Variants in CNOT6L observed in about 807,000 individuals in gnomAD.
CNOT6L encodes the protein CCR4-NOT transcription complex subunit 6-like.
CNOT6L carries 7 observed loss-of-function variants against 64.0 expected under a neutral mutation model. The observed-to-expected ratio is 0.11, with a 90% CI of 0.06 to 0.21. The LOEUF (loss-of-function observed/expected upper bound fraction) is 0.21, where lower values mean the gene tolerates loss of function less well. Ranked by LOEUF, CNOT6L falls within the 10% of genes least tolerant of loss-of-function variation. The pLI is 1.00. For missense variants in CNOT6L, 245 were observed against 669.0 expected (o/e 0.37, Z 6.99); for synonymous variants, 193 against 243.4 (o/e 0.79, Z 1.93).
At chr4:77,737,710 G>A (rs1044191758) in intron 8 of CNOT6L, among the ~76,000 whole-genome samples, 3 of 151,940 alleles carry the variant, frequency 2.0e-5, no homozygotes, top group African/African-American at 7.3e-5. Flanking sequence ...GAAACACCAC[G>A]CCCAGACTGT....
Position 77,779,061 on chromosome 4 carries a change from AACAAAAAAAAAAC to A in CNOT6L, c.6-2682_6-2670del, listed in dbSNP as rs1478478267. 3.2e-3 allele frequency among the ~76,000 whole-genome samples: 290 copies of A among 89,266 alleles called. 9 individuals carry two copies. The highest frequency in any genetic ancestry group is 6.0e-3 in the Non-Finnish European group (246 of 40,914). 58.6% of individuals were successfully genotyped at this position (89,266 alleles called of 152,430 possible). A position where few individuals can be genotyped will look rare whatever the true frequency, so the allele number is the denominator to read the frequency against. On this transcript the variant is annotated intron_variant, in intron 1 of 11. Coordinates refer to ENST00000504123, the MANE Select transcript of CNOT6L (RefSeq NM_144571.3). ...GACTCTGTCTCAAAAAAAAAAAAAA[AACAAAAAAAAAAC>A]ACAAAAAACACACAGGCATAGGATT...
rs67321338 is a variant in CNOT6L at position 77,801,690 on chromosome 4, TGG to T, written c.5+17612_5+17613del. 7.7e-5 allele frequency among the ~76,000 whole-genome samples: 4 copies of T among 52,070 alleles called. 1 individual carries two copies. Among genetic ancestry groups the T allele is most frequent in the Non-Finnish European group, 1.4e-4 (4 of 29,202 alleles). 34.2% of individuals were successfully genotyped at this position (52,070 alleles called of 152,430 possible). ...AGTTATTTTACCAGAAGATAAAAAT[TGG>T]GGGGGGGGGAGAATGAAACATTTTA... On this transcript the variant is annotated intron_variant, in intron 1 of 11. Coordinates refer to ENST00000504123, the MANE Select transcript of CNOT6L (RefSeq NM_144571.3).
chr4:77,769,767 A>T (rs1041010089), intron 4 of CNOT6L, among the ~76,000 whole-genome samples: 1 of 152,182 alleles, frequency 6.6e-6, no homozygotes, highest in African/African-American at 2.4e-5. Context: ...AAAGTAAAAG[A>T]AAGTCTTCCA....
intron 11 of CNOT6L, among the ~76,000 whole-genome samples, chr4:77,723,955 G>C (rs1390576424): frequency 6.6e-6 from 1 of 152,086 alleles, no homozygotes; most frequent in South Asian, 2.1e-4. Flanking sequence ...GGACAAGGAA[G>C]AAGTAAGCTT....
intron 8 of CNOT6L, among the ~76,000 whole-genome samples, chr4:77,734,441 T>C (rs1722746643): frequency 6.6e-6 from 1 of 152,196 alleles, no homozygotes; most frequent in Admixed American, 6.5e-5. Context: ...AAATCAATTT[T>C]GATGACTGGA....
chr4:77,819,568 G>A (rs1734064554), upstream of CNOT6L: 1 of 328,686 alleles, frequency 3.0e-6, no homozygotes, highest in Non-Finnish European at 5.1e-6. Context: ...GGGGTCTCGG[G>A]GGGCCCGCGC....
intron 2 of CNOT6L, among the ~76,000 whole-genome samples, chr4:77,775,514 T>C (rs974675195): frequency 6.6e-6 from 1 of 152,140 alleles, no homozygotes; most frequent in African/African-American, 2.4e-5. Flanking sequence ...TCCCTAACAT[T>C]AGAATCTACA....
At chr4:77,770,533 TG>T (rs1727406363) in intron 4 of CNOT6L, among the ~76,000 whole-genome samples, 1 of 152,232 alleles carries the variant, frequency 6.6e-6, no homozygotes, top group Non-Finnish European at 1.5e-5. Context: ...TCTGGTTTTC[TG>T]GATCACCTTG....
intron 1 of CNOT6L, among the ~76,000 whole-genome samples, chr4:77,798,418 C>A (rs957453587): frequency 6.6e-6 from 1 of 151,978 alleles, no homozygotes; most frequent in African/African-American, 2.4e-5. Context: ...AAAGAACTGT[C>A]AAAATTCAGT....
chr4:77,814,953 T>G (rs1733396320), intron 1 of CNOT6L, among the ~76,000 whole-genome samples: 1 of 152,188 alleles, frequency 6.6e-6, no homozygotes, highest in African/African-American at 2.4e-5. Context: ...TGAGCACAAA[T>G]TAATAATTAA....
rs535496502 is a variant in CNOT6L at position 77,809,357 on chromosome 4, T to C, written c.5+9947A>G. 3.9e-5 allele frequency among the ~76,000 whole-genome samples: 6 copies of C among 152,338 alleles called. No individual in the cohort carries two copies. In the East Asian group the frequency reaches 1.2e-3, roughly 29 times the overall value. On this transcript the variant is annotated intron_variant, in intron 1 of 11. Transcript: ENST00000504123. ...CCATTCCCTGGTAGAAAGATTATTCTACATTTCTTTTTATTCCCCAGAACC... is the reference window on the plus strand; with the variant it reads ...CCATTCCCTGGTAGAAAGATTATTCCACATTTCTTTTTATTCCCCAGAACC...
chr4:77,722,835 A>G lies in CNOT6L; in HGVS notation c.1456-2192T>C, dbSNP rs543843688. 2.8e-4 allele frequency among the ~76,000 whole-genome samples: 43 copies of G among 152,300 alleles called. 1 individual carries two copies. The South Asian group carries it at 8.5e-3, about 30-fold the overall frequency. Reference sequence around the variant, plus strand: ...ATATGCACAAAAAAGGTTATAGACTAATGATTTTTAACCCTTTTGAGTCAG... The same window carrying G: ...ATATGCACAAAAAAGGTTATAGACTGATGATTTTTAACCCTTTTGAGTCAG... On this transcript the variant is annotated intron_variant, in intron 11 of 11. Coordinates refer to ENST00000504123, the MANE Select transcript of CNOT6L (RefSeq NM_144571.3).
chr4:77,780,818 C>A (rs966781984), intron 1 of CNOT6L, among the ~76,000 whole-genome samples: 4 of 152,118 alleles, frequency 2.6e-5, no homozygotes, highest in Non-Finnish European at 5.9e-5. Context: ...TATTTCAAAG[C>A]TGGGCACAGC....
At chr4:77,815,503 T>C (rs1733469730) in intron 1 of CNOT6L, among the ~76,000 whole-genome samples, 1 of 152,190 alleles carries the variant, frequency 6.6e-6, no homozygotes, top group Non-Finnish European at 1.5e-5. Flanking sequence ...TCTTTGAAGA[T>C]GGAAAGCAAT....
At chr4:77,765,535 G>A (rs1285232140) in intron 4 of CNOT6L, among the ~76,000 whole-genome samples, 2 of 152,180 alleles carry the variant, frequency 1.3e-5, no homozygotes, top group South Asian at 2.1e-4. Flanking sequence ...CTCTTTCAGA[G>A]AACTGAATAA....
chr4:77,721,231 A>G (rs1420456246), intron 11 of CNOT6L, among the ~76,000 whole-genome samples: 1 of 152,194 alleles, frequency 6.6e-6, no homozygotes, highest in African/African-American at 2.4e-5. Flanking sequence ...AAATACTGGA[A>G]TATGTGTAAA....
chr4:77,789,685 T>C (rs1362000610), intron 1 of CNOT6L, among the ~76,000 whole-genome samples: 1 of 150,294 alleles, frequency 6.7e-6, no homozygotes, highest in Non-Finnish European at 1.5e-5. Flanking sequence ...GCATGATGGA[T>C]TATGCCTGTA....
At chr4:77,732,919 A>T (rs1722599643) in intron 8 of CNOT6L, among the ~76,000 whole-genome samples, 1 of 152,080 alleles carries the variant, frequency 6.6e-6, no homozygotes, top group Non-Finnish European at 1.5e-5. Flanking sequence ...TCAATTAAAG[A>T]ACTGATAACT....
At chr4:77,803,378 T>C (rs1225774397) in intron 1 of CNOT6L, among the ~76,000 whole-genome samples, 1 of 152,200 alleles carries the variant, frequency 6.6e-6, no homozygotes. Context: ...TTATAAAACA[T>C]TTCTAAAGGG....
Sources: allele counts gnomAD v4.1 joint callset (sites outside exome capture counted in the v4.1 genomes callset), GRCh38; gene constraint gnomAD v4.1.1; transcripts MANE v1.5; gene names NCBI Gene and HGNC (gene_info 2026-07-23, HGNC 2026-07-21).